The following PXDNL variants were observed in gnomAD, a reference collection of about 807,000 sequenced individuals.
PXDNL encodes the protein probable oxidoreductase PXDNL.
In PXDNL, 145 loss-of-function variants were observed where a neutral mutation model predicts 150.8. The observed-to-expected ratio is 0.96, with a 90% CI of 0.84 to 1.10. PXDNL has a LOEUF of 1.10. Among genes scored for constraint, PXDNL ranks in the 50% least tolerant of loss-of-function variants. The probability of loss-of-function intolerance (pLI) is 0.00; values close to 1 mark genes in which losing one functional copy is unlikely to be tolerated. For synonymous variants in PXDNL, 757 were observed against 725.7 expected (o/e 1.04, Z -0.69); for missense variants, 2,087 against 1,873.9 (o/e 1.11, Z -2.10).
intron 3 of PXDNL, among the ~76,000 whole-genome samples, chr8:51,573,571 C>T (rs542874947): frequency 6.6e-6 from 1 of 152,106 alleles, no homozygotes; most frequent in African/African-American, 2.4e-5. Flanking sequence ...GCCCGCACTC[C>T]CAACTCCAAC....
At chr8:51,328,577 G>A (rs1805587406) in intron 21 of PXDNL, among the ~76,000 whole-genome samples, 1 of 152,178 alleles carries the variant, frequency 6.6e-6, no homozygotes, top group Non-Finnish European at 1.5e-5. Flanking sequence ...TCACACTCAA[G>A]GTGGCAGGGG....
intron 1 of PXDNL, among the ~76,000 whole-genome samples, chr8:51,756,902 C>T (rs1436038578): frequency 6.6e-6 from 1 of 152,042 alleles, no homozygotes; most frequent in Non-Finnish European, 1.5e-5. Context: ...GTTGGATAGT[C>T]AGTGTCAAAA....
chr8:51,647,485 T>A (rs1362131780), intron 2 of PXDNL, among the ~76,000 whole-genome samples: 1 of 152,216 alleles, frequency 6.6e-6, no homozygotes, highest in African/African-American at 2.4e-5. Context: ...CTGAGCACTG[T>A]GCAAGCCTTT....
Position 51,532,914 on chromosome 8 carries a change from C to T in PXDNL, c.380+23926G>A, listed in dbSNP as rs145280942. ...ATCTTGTTGAATTAAATAAATGAACCGCTTTTTTGATTAAGCCACAACTCT... is the reference window on the plus strand; with the variant it reads ...ATCTTGTTGAATTAAATAAATGAACTGCTTTTTTGATTAAGCCACAACTCT... On this transcript the variant is annotated intron_variant, in intron 4 of 22. Coordinates refer to ENST00000356297, the MANE Select transcript of PXDNL (RefSeq NM_144651.5). 2.3e-3 allele frequency among the ~76,000 whole-genome samples: 356 copies of T among 152,120 alleles called. 1 individual carries two copies. Among genetic ancestry groups the T allele is most frequent in the African/African-American group, 8.0e-3 (333 of 41,498 alleles).
intron 1 of PXDNL, among the ~76,000 whole-genome samples, chr8:51,807,699 GACA>G (rs1318708494): frequency 6.6e-6 from 1 of 152,188 alleles, no homozygotes; most frequent in Non-Finnish European, 1.5e-5. Context: ...TGACAACACT[GACA>G]ACATCACTTC....
In PXDNL at chr8:51,511,168, T is replaced by C. The variant is rs115354626; in HGVS notation, c.381-11398A>G. Among the ~76,000 whole-genome samples the C allele has an allele frequency of 3.9e-5, 6 of 152,278 alleles. No homozygotes were observed. The South Asian group carries it at 1.0e-3, about 26-fold the overall frequency. ...TGCAGGCCTGCACTCATCTTCTTAT[T>C]TGACCCCTCAATCATTCTGTGATGC... On this transcript the variant is annotated intron_variant, in intron 4 of 22. Coordinates refer to ENST00000356297, the MANE Select transcript of PXDNL (RefSeq NM_144651.5).
intron 1 of PXDNL, among the ~76,000 whole-genome samples, chr8:51,737,556 T>C (rs1817063207): frequency 6.6e-6 from 1 of 152,222 alleles, no homozygotes; most frequent in African/African-American, 2.4e-5. Flanking sequence ...TCTACCCTGA[T>C]GAAGAGTATC....
At chr8:51,629,896 CA>C (rs1285561041) in intron 2 of PXDNL, among the ~76,000 whole-genome samples, 1 of 151,976 alleles carries the variant, frequency 6.6e-6, no homozygotes, top group Non-Finnish European at 1.5e-5. Flanking sequence ...CTATTCGTAG[CA>C]AACTACAAAT....
chr8:51,589,338 TA>T (rs1303404824), intron 3 of PXDNL, among the ~76,000 whole-genome samples: 1 of 152,076 alleles, frequency 6.6e-6, no homozygotes, highest in Non-Finnish European at 1.5e-5. Context: ...TGGAACTGGG[TA>T]ATGGGTAAAG....
intron 13 of PXDNL, among the ~76,000 whole-genome samples, chr8:51,424,704 T>C (rs1336111752): frequency 6.6e-6 from 1 of 152,192 alleles, no homozygotes; most frequent in Non-Finnish European, 1.5e-5. Flanking sequence ...GTTAAAATGG[T>C]GTGCCTCTGC....
chr8:51,636,775 T>C (rs975396294), intron 2 of PXDNL, among the ~76,000 whole-genome samples: 22 of 151,608 alleles, frequency 1.5e-4, no homozygotes, highest in African/African-American at 3.4e-4. Flanking sequence ...ACAGATGTAA[T>C]ACAATCCTTA....
Position 51,375,841 on chromosome 8 carries a change from T to A in PXDNL, c.3558-1110A>T, listed in dbSNP as rs376028539. Among the ~76,000 whole-genome samples the A allele has an allele frequency of 3.3e-5, 5 of 152,186 alleles. No individual in the cohort carries two copies. The East Asian group carries it at 7.7e-4, about 23-fold the overall frequency. On this transcript the variant is annotated intron_variant, in intron 17 of 22. Transcript: ENST00000356297. ...TTCAGCTTTGTGGGACAACTGTGGGTTCTGTTGCAACTACCCAACTCCTGT... is the reference window on the plus strand; with the variant it reads ...TTCAGCTTTGTGGGACAACTGTGGGATCTGTTGCAACTACCCAACTCCTGT...
rs553599531 is a variant in PXDNL at position 51,646,051 on chromosome 8, G to C, written c.236+8638C>G. On this transcript the variant is annotated intron_variant, in intron 2 of 22. Coordinates refer to ENST00000356297, the MANE Select transcript of PXDNL (RefSeq NM_144651.5). ...GATACCAAGGAAAGGACTGTGTTAT[G>C]GGATGAACTGTGTTCCCCGAAATGG... is the stretch of plus-strand genomic sequence containing the variant. Among the ~76,000 whole-genome samples, 4 of 131,090 alleles carry C rather than the reference G, an allele frequency of 3.1e-5. No homozygotes were observed. In the Admixed American group the frequency reaches 3.3e-4, roughly 11 times the overall value. 86.0% of individuals were successfully genotyped at this position (131,090 alleles called of 152,430 possible). A position where few individuals can be genotyped will look rare whatever the true frequency, so the allele number is the denominator to read the frequency against.
intron 2 of PXDNL, among the ~76,000 whole-genome samples, chr8:51,621,435 AGTGTGTGTGTGTCTGTGTGT>A (rs1229807178): frequency 5.1e-5 from 7 of 136,810 alleles, no homozygotes; most frequent in Non-Finnish European, 7.7e-5. Flanking sequence ...CAAAAGAATG[AGTGTGTGTGTGTCTGTGTGT>A]GTGTGTGTGT....
chr8:51,630,014 A>G (rs139073323), intron 2 of PXDNL, among the ~76,000 whole-genome samples: 1 of 152,326 alleles, frequency 6.6e-6, no homozygotes, highest in East Asian at 1.9e-4. Context: ...AACTGGAGGC[A>G]TTACATTATC....
chr8:51,595,316 T>C (rs1184190676), intron 2 of PXDNL, among the ~76,000 whole-genome samples: 1 of 152,086 alleles, frequency 6.6e-6, no homozygotes, highest in African/African-American at 2.4e-5. Flanking sequence ...AACCAATAAA[T>C]GACTGCTAGA....
At chr8:51,458,262 C>A (rs762097786) in intron 8 of PXDNL, among the ~76,000 whole-genome samples, 5 of 152,146 alleles carry the variant, frequency 3.3e-5, no homozygotes, top group Non-Finnish European at 7.3e-5. Context: ...CAATTAAGTG[C>A]ATAATCCATT....
intron 1 of PXDNL, among the ~76,000 whole-genome samples, chr8:51,755,881 T>A (rs985297835): frequency 6.6e-6 from 1 of 152,158 alleles, no homozygotes; most frequent in South Asian, 2.1e-4. Context: ...ATAAAATTAT[T>A]TTTAGGCGAT....
At chr8:51,754,928 G>A (rs945573130) in intron 1 of PXDNL, among the ~76,000 whole-genome samples, 1 of 152,168 alleles carries the variant, frequency 6.6e-6, no homozygotes, top group Non-Finnish European at 1.5e-5. Context: ...TCACCAGGTG[G>A]CCTATACTGG....
Sources: allele counts gnomAD v4.1 joint callset (sites outside exome capture counted in the v4.1 genomes callset), GRCh38; gene constraint gnomAD v4.1.1; transcripts MANE v1.5; gene names NCBI Gene and HGNC (gene_info 2026-07-23, HGNC 2026-07-21).